Variants in EML4 observed in about 807,000 individuals in gnomAD.
The protein encoded by EML4 is EMAP like 4.
Under a neutral mutation model 129.0 loss-of-function variants are expected in EML4, and 72 were observed. The observed-to-expected ratio is 0.56, with a 90% CI of 0.46 to 0.68. The LOEUF is 0.68. EML4 is among the 30% of genes least tolerant of loss of function. EML4 has a pLI of 0.00. For missense variants in EML4, 1,363 were observed against 1,190.6 expected (o/e 1.14, Z -2.13); for synonymous variants, 532 against 405.0 (o/e 1.31, Z -3.77).
rs933995918 is a variant in EML4 at position 42,293,122 on chromosome 2, T to C, written c.1219-2003T>C. Among the ~76,000 whole-genome samples, 6 of 152,088 alleles carry C rather than the reference T, an allele frequency of 3.9e-5. No individual in the cohort carries two copies. In the East Asian group the frequency reaches 1.2e-3, roughly 29 times the overall value. On this transcript the variant is annotated intron_variant, in intron 11 of 22. Coordinates refer to ENST00000318522, the MANE Select transcript of EML4 (RefSeq NM_019063.5). The stretch of plus-strand genomic sequence containing the variant: ...TTTATCTTCAACTTTTTTTTTTTTC[T>C]TTTTTTGGTCAGGGTCTCACGCGTC...
At chr2:42,204,198 G>A (rs1672405098) in intron 1 of EML4, among the ~76,000 whole-genome samples, 1 of 152,072 alleles carries the variant, frequency 6.6e-6, no homozygotes, top group East Asian at 1.9e-4. Context: ...GTAATTACAG[G>A]TATAAGCCAC....
At chr2:42,222,074 C>T (rs1673641904) in intron 1 of EML4, among the ~76,000 whole-genome samples, 1 of 151,966 alleles carries the variant, frequency 6.6e-6, no homozygotes, top group African/African-American at 2.4e-5. Context: ...CTCTCTGTAG[C>T]CATGGAGAAG....
At chr2:42,184,591 G>A (rs1671138915) in intron 1 of EML4, among the ~76,000 whole-genome samples, 1 of 152,006 alleles carries the variant, frequency 6.6e-6, no homozygotes. Flanking sequence ...TTCTTGCTTA[G>A]TTTTTTGTGA....
At chr2:42,227,061 CT>C (rs1221247937) in intron 1 of EML4, among the ~76,000 whole-genome samples, 2 of 152,150 alleles carry the variant, frequency 1.3e-5, no homozygotes, top group Non-Finnish European at 1.5e-5. Flanking sequence ...TTAATCCAGA[CT>C]TTTTTCCACT....
chr2:42,268,297 G>A lies in EML4; in HGVS notation c.667+3566G>A, dbSNP rs144192598. Among the ~76,000 whole-genome samples the A allele has an allele frequency of 1.9e-3, 293 of 152,198 alleles. 7 individuals are homozygous for A. In the East Asian group the frequency reaches 0.036, roughly 19 times the overall value. Reference sequence around the variant, plus strand: ...ATCTAAAGATGATTTAAAGTATACAGGAAGATAGTCATAGATTACATGGAA... The same window carrying A: ...ATCTAAAGATGATTTAAAGTATACAAGAAGATAGTCATAGATTACATGGAA... On this transcript the variant is annotated intron_variant, in intron 6 of 22. Coordinates refer to ENST00000318522, the MANE Select transcript of EML4 (RefSeq NM_019063.5).
At chr2:42,197,004 G>C (rs1438509430) in intron 1 of EML4, among the ~76,000 whole-genome samples, 1 of 152,300 alleles carries the variant, frequency 6.6e-6, no homozygotes, top group East Asian at 1.9e-4. Flanking sequence ...TACAGTAGAA[G>C]AGCCCTGCAG....
rs551267281 is a variant in EML4, at chr2:42,267,294, A to G, written c.667+2563A>G. Among the ~76,000 whole-genome samples the G allele has an allele frequency of 3.3e-5, 5 of 152,330 alleles. No individual in the cohort carries two copies. In the South Asian group the frequency reaches 1.0e-3, roughly 32 times the overall value. Reference sequence around the variant, plus strand: ...TGTATTATCAGATGAAAAGATAATTATTAAATAGGTGAGAGTCATTGACTG... The same window carrying G: ...TGTATTATCAGATGAAAAGATAATTGTTAAATAGGTGAGAGTCATTGACTG... On this transcript the variant is annotated intron_variant, in intron 6 of 22. Coordinates refer to ENST00000318522, the MANE Select transcript of EML4 (RefSeq NM_019063.5).
rs199970584 is a variant in EML4, at chr2:42,284,722, T to C, written c.1011+19T>C. Reference sequence around the variant, plus strand: ...TGGAAGGGTGAGTGGCATAGTGTTATGCCTTCTGTACCTAGAGACATTGCT... The same window carrying C: ...TGGAAGGGTGAGTGGCATAGTGTTACGCCTTCTGTACCTAGAGACATTGCT... On this transcript the variant is annotated intron_variant, in intron 9 of 22. Transcript: ENST00000318522. 6.9e-5 allele frequency: 110 copies of C among 1,590,192 alleles called. No homozygotes were observed. Among genetic ancestry groups the C allele is most frequent in the Admixed American group, 8.5e-5 (5 of 59,048 alleles).
chr2:42,214,517 A>G (rs1164768787), intron 1 of EML4, among the ~76,000 whole-genome samples: 1 of 152,064 alleles, frequency 6.6e-6, no homozygotes, highest in Non-Finnish European at 1.5e-5. Flanking sequence ...ATATTTAGTG[A>G]TTAATATACC....
intron 6 of EML4, among the ~76,000 whole-genome samples, chr2:42,270,598 C>CTA (rs1354835975): frequency 6.6e-6 from 1 of 152,120 alleles, no homozygotes; most frequent in East Asian, 1.9e-4. Flanking sequence ...GAAAGAATAG[C>CTA]TAAAATTTAT....
chr2:42,299,739 G>C (rs901546123), intron 13 of EML4, among the ~76,000 whole-genome samples: 1 of 152,148 alleles, frequency 6.6e-6, no homozygotes, highest in African/African-American at 2.4e-5. Flanking sequence ...GCCCAGGCTG[G>C]AGTGCAGTGG....
intron 1 of EML4, among the ~76,000 whole-genome samples, chr2:42,210,277 C>G (rs1284658214): frequency 1.3e-5 from 2 of 152,046 alleles, no homozygotes; most frequent in Non-Finnish European, 2.9e-5. Context: ...AAGAGCAGTA[C>G]TGGTATATTG....
intron 1 of EML4, among the ~76,000 whole-genome samples, chr2:42,217,602 C>G (rs897908622): frequency 1.2e-4 from 18 of 152,178 alleles, no homozygotes; most frequent in African/African-American, 4.1e-4. Flanking sequence ...TTGTGGAATA[C>G]TGTACCCATG....
At chr2:42,295,741 C>T (rs1667909493) in intron 13 of EML4, among the ~76,000 whole-genome samples, 1 of 151,990 alleles carries the variant, frequency 6.6e-6, no homozygotes. Context: ...GAACCATTCC[C>T]TTTAGGAAGT....
intron 7 of EML4, 91 bp downstream of exon 7, chr2:42,281,064 CAAAA>C: frequency 3.7e-6 from 3 of 817,326 alleles, no homozygotes; most frequent in Non-Finnish European, 5.1e-6. Flanking sequence ...TGTCTTTATA[CAAAA>C]AAAAAAAGTA....
chr2:42,182,772 A>G (rs1460113632), intron 1 of EML4, among the ~76,000 whole-genome samples: 1 of 152,162 alleles, frequency 6.6e-6, no homozygotes, highest in Non-Finnish European at 1.5e-5. Flanking sequence ...ATATTTTCTC[A>G]CAGTTCTGGA....
Position 42,213,123 on chromosome 2 carries a change from C to A in EML4, c.26-32382C>A, listed in dbSNP as rs369384273. Among the ~76,000 whole-genome samples the A allele has an allele frequency of 4.6e-5, 7 of 152,182 alleles. No homozygotes were observed. The East Asian group carries it at 5.8e-4, about 13-fold the overall frequency. On this transcript the variant is annotated intron_variant, in intron 1 of 22. Transcript: ENST00000318522. Reference sequence around the variant, plus strand: ...GAATCTTACAGCTTTGCCCCCACTTCTTAAAAATGTAAACTTTTAATTGAA... The same window carrying A: ...GAATCTTACAGCTTTGCCCCCACTTATTAAAAATGTAAACTTTTAATTGAA...
intron 16 of EML4, among the ~76,000 whole-genome samples, chr2:42,304,054 G>A (rs768011787): frequency 2.0e-5 from 3 of 152,022 alleles, no homozygotes; most frequent in Non-Finnish European, 2.9e-5. Context: ...TTTGTGCCTC[G>A]GGTGGCATTG....
intron 13 of EML4, among the ~76,000 whole-genome samples, chr2:42,297,453 C>G (rs1668022989): frequency 6.6e-6 from 1 of 152,156 alleles, no homozygotes. Context: ...GGCTCAACCT[C>G]TCTACATATG....
Sources: gnomAD v4.1 joint callset for allele counts (sites outside exome capture counted in the v4.1 genomes callset) on GRCh38, gnomAD v4.1.1 for gene constraint, MANE v1.5 for transcripts, NCBI Gene and HGNC (gene_info 2026-07-23, HGNC 2026-07-21) for gene names.